ESRRG: variants seen among roughly 807,000 people sequenced by gnomAD.
The protein encoded by ESRRG is estrogen related receptor gamma, also known as estrogen-related receptor gamma.
A neutral mutation model predicts 44.0 loss-of-function variants in ESRRG; 13 were observed. The observed-to-expected ratio is 0.30, with a 90% CI of 0.19 to 0.47. The LOEUF (loss-of-function observed/expected upper bound fraction) is 0.47. Among genes scored for constraint, ESRRG ranks in the 20% least tolerant of loss-of-function variants. ESRRG has a pLI of 1.00. For missense variants in ESRRG, 395 were observed against 580.6 expected, an observed-to-expected ratio of 0.68 and a Z score of 3.29; for synonymous variants, 215 against 214.6, an observed-to-expected ratio of 1.00 and a Z score of -0.02.
At chr1:216,990,001 GT>G (rs1276227967) in intron 1 of ESRRG, among the ~76,000 whole-genome samples, 1 of 152,116 alleles carries the variant, frequency 6.6e-6, no homozygotes, top group African/African-American at 2.4e-5. Flanking sequence ...GATGTGGACG[GT>G]TAACAAGGTA....
In ESRRG at chr1:217,080,667, T is replaced by G. The variant is rs180681544; in HGVS notation, c.-106+8840A>C. On this transcript the variant is annotated intron_variant, in intron 1 of 7. Transcript: ENST00000359162. ...TTTGTTTGTTTGTTTGTTTTGTTTT[T>G]TTGGTTTTTTTTTTTTTTTTTTTTT... is the stretch of plus-strand genomic sequence containing the variant. Among the ~76,000 whole-genome samples, 19 of 99,064 alleles carry G rather than the reference T, an allele frequency of 1.9e-4. No individual in the cohort carries two copies. The East Asian group carries it at 4.5e-3, about 23-fold the overall frequency. The allele number at this position is 99,064 out of a possible 152,430, so 65.0% of individuals were successfully genotyped here.
intron 2 of ESRRG, among the ~76,000 whole-genome samples, chr1:216,651,526 G>C (rs1234600732): frequency 6.6e-6 from 1 of 151,636 alleles, no homozygotes; most frequent in Admixed American, 6.6e-5. Context: ...ACACTGAACA[G>C]TATAAACTTC....
intron 2 of ESRRG, among the ~76,000 whole-genome samples, chr1:216,659,963 A>G (rs145666651): frequency 1.8e-4 from 28 of 152,292 alleles, no homozygotes; most frequent in African/African-American, 6.3e-4. Flanking sequence ...ATTTTTAGTG[A>G]GTCTGTTATT....
chr1:217,116,145 C>T (rs1250273883), intron 1 of ESRRG, among the ~76,000 whole-genome samples: 2 of 152,124 alleles, frequency 1.3e-5, no homozygotes, highest in Admixed American at 1.3e-4. Flanking sequence ...CTGGATTCTA[C>T]AGAGGCATTA....
chr1:217,128,070 G>C (rs1432601356), intron 1 of ESRRG, among the ~76,000 whole-genome samples: 2 of 152,048 alleles, frequency 1.3e-5, no homozygotes, highest in Non-Finnish European at 1.5e-5. Flanking sequence ...CAGTATCCAG[G>C]GGTTTGCCCA....
At chr1:216,690,469 G>C (rs1208008163) in intron 1 of ESRRG, among the ~76,000 whole-genome samples, 1 of 152,102 alleles carries the variant, frequency 6.6e-6, no homozygotes, top group Non-Finnish European at 1.5e-5. Context: ...AGAAATCACA[G>C]TGGTTTTCTG....
chr1:217,095,419 G>A (rs1394223348), intron 1 of ESRRG, among the ~76,000 whole-genome samples: 1 of 152,230 alleles, frequency 6.6e-6, no homozygotes, highest in Non-Finnish European at 1.5e-5. Flanking sequence ...TGTGTGCTAA[G>A]CAAGGTGGAT....
chr1:216,512,682 T>TA (rs2043069126), intron 6 of ESRRG, among the ~76,000 whole-genome samples: 1 of 152,068 alleles, frequency 6.6e-6, no homozygotes, highest in Non-Finnish European at 1.5e-5. Flanking sequence ...CTTATGTACT[T>TA]ATCGTGGTAG....
At chr1:217,054,774 A>G (rs7532636) in intron 1 of ESRRG, among the ~76,000 whole-genome samples, 55,697 of 151,850 alleles carry the variant, frequency 0.37, 10,700 homozygotes, top group East Asian at 0.66. Context: ...AAAAAAAAAC[A>G]CAGATGAGAA....
intron 1 of ESRRG, among the ~76,000 whole-genome samples, chr1:217,135,529 CG>C (rs2093037174): frequency 6.6e-6 from 1 of 150,892 alleles, no homozygotes; most frequent in Non-Finnish European, 1.5e-5. Flanking sequence ...GGCGCGCGCG[CG>C]GCGGCGGCGG....
At chr1:216,735,987 A>AAAAAAAT (rs1453476198) in intron 2 of ESRRG, among the ~76,000 whole-genome samples, 30 of 137,096 alleles carry the variant, frequency 2.2e-4, no homozygotes, top group Non-Finnish European at 3.1e-4. Context: ...CTCAAAAAAA[A>AAAAAAAT]ATATATATAT....
chr1:217,098,777 G>C (rs12069157), intron 1 of ESRRG, among the ~76,000 whole-genome samples: 2,317 of 152,234 alleles, frequency 0.015, 61 homozygotes, highest in African/African-American at 0.052. Flanking sequence ...CAAAGCGATT[G>C]AACAGTGAAA....
At chr1:217,128,291 G>T (rs1429032872) in intron 1 of ESRRG, among the ~76,000 whole-genome samples, 2 of 152,120 alleles carry the variant, frequency 1.3e-5, no homozygotes, top group African/African-American at 2.4e-5. Context: ...AAAACAATAA[G>T]CAAAGCCTTT....
chr1:216,586,581 C>CTTTT (rs752769234), intron 3 of ESRRG, among the ~76,000 whole-genome samples: 6 of 124,126 alleles, frequency 4.8e-5, no homozygotes, highest in Admixed American at 8.4e-5. Context: ...AACTTTTGGG[C>CTTTT]TTTTTTTTTT....
intron 3 of ESRRG, among the ~76,000 whole-genome samples, chr1:216,579,863 T>C (rs954507988): frequency 2.6e-5 from 4 of 152,190 alleles, no homozygotes; most frequent in African/African-American, 9.6e-5. Flanking sequence ...CCATGAAAAT[T>C]TCCTTGCATT....
intron 1 of ESRRG, among the ~76,000 whole-genome samples, chr1:217,008,715 G>T (rs2078111796): frequency 6.6e-6 from 1 of 152,130 alleles, no homozygotes; most frequent in African/African-American, 2.4e-5. Flanking sequence ...TATTAATCAG[G>T]GACAGTGGCT....
At chr1:216,711,174 A>G (rs144337431) in intron 1 of ESRRG, among the ~76,000 whole-genome samples, 4 of 152,312 alleles carry the variant, frequency 2.6e-5, no homozygotes, top group Non-Finnish European at 5.9e-5. Flanking sequence ...GTGGGCAAGG[A>G]AAGCTCCTAT....
chr1:216,994,455 A>G (rs1051653355), intron 1 of ESRRG, among the ~76,000 whole-genome samples: 6 of 145,638 alleles, frequency 4.1e-5, no homozygotes, highest in African/African-American at 1.6e-4. Flanking sequence ...ATATAAACCC[A>G]TGTGTGTAAA....
intron 1 of ESRRG, among the ~76,000 whole-genome samples, chr1:217,123,447 T>TACA (rs2092848313): frequency 6.6e-6 from 1 of 152,154 alleles, no homozygotes. Context: ...CCTCTTTACA[T>TACA]GCACATGTAT....
Sources: allele counts gnomAD v4.1 joint callset (sites outside exome capture counted in the v4.1 genomes callset), GRCh38; gene constraint gnomAD v4.1.1; transcripts MANE v1.5; gene names NCBI Gene and HGNC (gene_info 2026-07-23, HGNC 2026-07-21).